Variants in SDCCAG8 observed in about 807,000 individuals in gnomAD.
SDCCAG8 encodes the protein serologically defined colon cancer antigen 8.
In SDCCAG8, 74 loss-of-function variants were observed where a neutral mutation model predicts 101.8. The ratio of observed to expected loss-of-function variants is 0.73; its 90% CI spans 0.60 to 0.88. SDCCAG8 has a LOEUF of 0.88. SDCCAG8 is among the 40% of genes least tolerant of loss of function. SDCCAG8 has a pLI of 0.00. For synonymous variants in SDCCAG8, 281 were observed against 292.9 expected, an observed-to-expected ratio of 0.96 and a Z score of 0.41; for missense variants, 787 against 822.6, an observed-to-expected ratio of 0.96 and a Z score of 0.53.
chr1:243,282,002 G>A (rs1228755628), intron 4 of SDCCAG8, among the ~76,000 whole-genome samples: 1 of 151,728 alleles, frequency 6.6e-6, no homozygotes. Flanking sequence ...TTTATTTTTG[G>A]AGACAGAGTC....
At chr1:243,432,219 GA>G in intron 16 of SDCCAG8, among the ~76,000 whole-genome samples, 1 of 152,282 alleles carries the variant, frequency 6.6e-6, no homozygotes, top group Middle Eastern at 3.4e-3. Context: ...AAAACAAAAA[GA>G]GTCCTTTGCA....
Position 243,307,974 on chromosome 1 carries a change from T to TAGGAA in SDCCAG8, c.741-15_741-14insAGGAA, listed in dbSNP as rs746125518. On this transcript the variant is annotated splice_polypyrimidine_tract_variant and intron_variant, in intron 7 of 17. Coordinates refer to ENST00000366541, the MANE Select transcript of SDCCAG8 (RefSeq NM_006642.5). Reference sequence around the variant, plus strand: ...TACCTGGCCATTTTCTAGAATTTTTTCACCCTCTTTTTAGGAACGACTTAG... The same window carrying TAGGAA: ...TACCTGGCCATTTTCTAGAATTTTTTAGGAACACCCTCTTTTTAGGAACGACTTAG... 6.2e-7 allele frequency: 1 copy of TAGGAA among 1,613,028 alleles called. No individual in the cohort carries two copies. The highest frequency in any genetic ancestry group is 8.5e-7 in the Non-Finnish European group (1 of 1,179,886).
chr1:243,369,205 G>C (rs570577136), intron 12 of SDCCAG8, among the ~76,000 whole-genome samples: 15 of 152,182 alleles, frequency 9.9e-5, no homozygotes, highest in African/African-American at 3.6e-4. Context: ...TCATTGTTGG[G>C]ATAGATTGCT....
intron 12 of SDCCAG8, among the ~76,000 whole-genome samples, chr1:243,368,399 C>G (rs1363143929): frequency 6.6e-6 from 1 of 152,102 alleles, no homozygotes; most frequent in Non-Finnish European, 1.5e-5. Flanking sequence ...TCTCCACAAA[C>G]ATTATAAGAC....
chr1:243,292,662 A>C (rs1034748528), intron 5 of SDCCAG8, among the ~76,000 whole-genome samples: 3 of 152,246 alleles, frequency 2.0e-5, no homozygotes, highest in Admixed American at 6.5e-5. Context: ...TGTAATGATT[A>C]AATGAGTTAA....
chr1:243,305,077 C>T (rs1049528406), intron 7 of SDCCAG8: 3 of 310,476 alleles, frequency 9.7e-6, no homozygotes, highest in Non-Finnish European at 1.2e-5. Flanking sequence ...GAGGCTGAAG[C>T]GGGCGAATCA....
chr1:243,318,192 G>A (rs750636762), intron 9 of SDCCAG8: 5 of 398,638 alleles, frequency 1.3e-5, no homozygotes, highest in Admixed American at 2.9e-5. Context: ...AATGAGATCC[G>A]ATCTTTTGCA....
At chr1:243,303,077 A>G (rs1476550706) in intron 6 of SDCCAG8, among the ~76,000 whole-genome samples, 1 of 152,208 alleles carries the variant, frequency 6.6e-6, no homozygotes. Context: ...AAGGGTTTCA[A>G]GATAGAGATC....
At chr1:243,481,573 A>C (rs892782325) in intron 16 of SDCCAG8, among the ~76,000 whole-genome samples, 4 of 152,190 alleles carry the variant, frequency 2.6e-5, no homozygotes, top group Non-Finnish European at 5.9e-5. Context: ...TTTACAGTTC[A>C]TGTATTTGCA....
intron 12 of SDCCAG8, among the ~76,000 whole-genome samples, chr1:243,370,348 T>C (rs1014670067): frequency 2.6e-5 from 4 of 152,160 alleles, no homozygotes; most frequent in Admixed American, 2.0e-4. Context: ...ATGAATGGCC[T>C]GATATTTTGT....
intron 6 of SDCCAG8, among the ~76,000 whole-genome samples, chr1:243,301,974 G>A (rs1360828977): frequency 6.6e-6 from 1 of 152,088 alleles, no homozygotes; most frequent in Non-Finnish European, 1.5e-5. Context: ...GAGGCTGGGT[G>A]TGGTGGCTCA....
chr1:243,399,668 G>A (rs1055259107), intron 13 of SDCCAG8, among the ~76,000 whole-genome samples: 4 of 151,888 alleles, frequency 2.6e-5, no homozygotes, highest in African/African-American at 4.8e-5. Context: ...CATCACACTC[G>A]GCTAATTTTT....
chr1:243,417,345 T>G (rs2080661642), intron 14 of SDCCAG8, among the ~76,000 whole-genome samples: 1 of 152,218 alleles, frequency 6.6e-6, no homozygotes, highest in African/African-American at 2.4e-5. Context: ...AACATTTCCT[T>G]TTGTCTTGTA....
At chr1:243,259,591 G>A (rs1397560014) in intron 1 of SDCCAG8, among the ~76,000 whole-genome samples, 4 of 151,978 alleles carry the variant, frequency 2.6e-5, no homozygotes, top group African/African-American at 7.2e-5. Flanking sequence ...AGGCCGAGGC[G>A]GGCAGATCAC....
intron 6 of SDCCAG8, among the ~76,000 whole-genome samples, chr1:243,301,633 C>G (rs1280626500): frequency 6.6e-6 from 1 of 152,032 alleles, no homozygotes; most frequent in Non-Finnish European, 1.5e-5. Flanking sequence ...TGCAGCCGTG[C>G]CAACACGCAC....
chr1:243,319,001 G>T (rs1298421821), intron 9 of SDCCAG8, among the ~76,000 whole-genome samples: 1 of 152,126 alleles, frequency 6.6e-6, no homozygotes, highest in Non-Finnish European at 1.5e-5. Flanking sequence ...ACGAAGCATG[G>T]TGCCAACATA....
chr1:243,357,331 A>G (rs1285941918), intron 12 of SDCCAG8, among the ~76,000 whole-genome samples: 2 of 150,916 alleles, frequency 1.3e-5, no homozygotes. Flanking sequence ...GTGAGCTGAG[A>G]TCGTGCCACT....
intron 8 of SDCCAG8, among the ~76,000 whole-genome samples, chr1:243,310,606 A>G (rs1192916952): frequency 6.6e-6 from 1 of 152,212 alleles, no homozygotes; most frequent in African/African-American, 2.4e-5. Context: ...GATGACGTGA[A>G]AAGTGGAAGT....
At chr1:243,312,108 G>A (rs1303513897) in intron 8 of SDCCAG8, among the ~76,000 whole-genome samples, 4 of 152,150 alleles carry the variant, frequency 2.6e-5, no homozygotes, top group African/African-American at 9.7e-5. Flanking sequence ...TTCTTCTTCT[G>A]TATCATTCTC....
Sources: gnomAD v4.1 joint callset for allele counts (sites outside exome capture counted in the v4.1 genomes callset) on GRCh38, gnomAD v4.1.1 for gene constraint, MANE v1.5 for transcripts, NCBI Gene and HGNC (gene_info 2026-07-23, HGNC 2026-07-21) for gene names.